Variants in VSNL1 observed in about 807,000 individuals in gnomAD.
VSNL1 encodes the protein visinin like 1.
A neutral mutation model predicts 20.4 loss-of-function variants in VSNL1; 6 were observed. The ratio of observed to expected loss-of-function variants is 0.29; its 90% CI spans 0.16 to 0.58. The LOEUF is 0.58. Among genes scored for constraint, VSNL1 ranks in the 20% least tolerant of loss-of-function variants. The pLI is 0.90. For synonymous variants in VSNL1, 93 were observed against 86.4 expected, an observed-to-expected ratio of 1.08 and a Z score of -0.42; for missense variants, 100 against 234.5, an observed-to-expected ratio of 0.43 and a Z score of 3.75.
At chr2:17,581,474 C>T (rs914402923) in intron 1 of VSNL1, among the ~76,000 whole-genome samples, 1 of 152,118 alleles carries the variant, frequency 6.6e-6, no homozygotes, top group African/African-American at 2.4e-5. Context: ...TTTATTTAGC[C>T]AGTTTCCTGT....
intron 2 of VSNL1, among the ~76,000 whole-genome samples, chr2:17,592,849 A>G (rs1664626997): frequency 6.6e-6 from 1 of 151,910 alleles, no homozygotes; most frequent in Admixed American, 6.6e-5. Context: ...AACATTACAC[A>G]GAACAGTCCC....
At chr2:17,642,228 C>T (rs527724298) in intron 2 of VSNL1, among the ~76,000 whole-genome samples, 5 of 151,210 alleles carry the variant, frequency 3.3e-5, no homozygotes, top group Admixed American at 3.3e-4. Context: ...TATTCGAGAG[C>T]AGTAAGGATA....
chr2:17,655,424 A>G lies in VSNL1; in HGVS notation c.*30A>G. ...ATGTCAATGCTATGGACTGCACAAA[A>G]GTCTCAATGTTCCATTCAGTCTGCA... On this transcript the variant is annotated 3_prime_UTR_variant, in exon 4 of 4. Transcript: ENST00000295156. The surrounding 1 kb of genome is among the most constrained non-coding windows in gnomAD (Gnocchi z 5.2). The G allele has an allele frequency of 6.3e-7, 1 of 1,575,876 alleles. No homozygotes were observed. The highest frequency in any genetic ancestry group is 8.6e-7 in the Non-Finnish European group (1 of 1,157,414).
At chr2:17,575,175 T>G (rs1664178030) in intron 1 of VSNL1, among the ~76,000 whole-genome samples, 1 of 152,162 alleles carries the variant, frequency 6.6e-6, no homozygotes, top group African/African-American at 2.4e-5. Context: ...CTCTTCCTTC[T>G]GGATTGCAGG....
At chr2:17,575,399 G>A (rs1178395860) in intron 1 of VSNL1, among the ~76,000 whole-genome samples, 1 of 152,128 alleles carries the variant, frequency 6.6e-6, no homozygotes, top group Non-Finnish European at 1.5e-5. Flanking sequence ...CACAATAGTG[G>A]GAGTTAGGAA....
chr2:17,605,363 C>T (rs1471935806), intron 2 of VSNL1, among the ~76,000 whole-genome samples: 1 of 152,080 alleles, frequency 6.6e-6, no homozygotes, highest in African/African-American at 2.4e-5. Flanking sequence ...TTCCCCAGAA[C>T]CCCTACAAGG....
intron 1 of VSNL1, among the ~76,000 whole-genome samples, chr2:17,586,669 A>G (rs1021540012): frequency 6.6e-6 from 1 of 152,138 alleles, no homozygotes. Context: ...GATTCTTACA[A>G]ACATCTGCCA....
In VSNL1 at chr2:17,656,943, C is replaced by T. The variant is rs1666245139; in HGVS notation, c.*1549C>T. On this transcript the variant is annotated 3_prime_UTR_variant, in exon 4 of 4. Coordinates refer to ENST00000295156, the MANE Select transcript of VSNL1 (RefSeq NM_003385.5). ...TTATTCAAGTACTTTTTATCAAATT[C>T]GTTTTTTACCGAATTCGTTTTTTAC... 1.3e-5 allele frequency: 2 copies of T among 152,082 alleles called. No homozygotes were observed. Among genetic ancestry groups the T allele is most frequent in the African/African-American group, 4.8e-5 (2 of 41,394 alleles). The allele number at this position is 152,082 out of a possible 1,614,324, so 9.4% of individuals were successfully genotyped here.
At chr2:17,644,318 G>A (rs1665948165) in intron 2 of VSNL1, among the ~76,000 whole-genome samples, 1 of 152,200 alleles carries the variant, frequency 6.6e-6, no homozygotes, top group Non-Finnish European at 1.5e-5. Flanking sequence ...CCACGTGAAG[G>A]CCTCAGCCCC....
Position 17,590,730 on chromosome 2 carries a change from A to C in VSNL1, c.-5-1340A>C, listed in dbSNP as rs116099676. Among the ~76,000 whole-genome samples, 249 of 152,274 alleles carry C rather than the reference A, an allele frequency of 1.6e-3. 2 individuals carry two copies. Among genetic ancestry groups the C allele is most frequent in the Admixed American group, 5.4e-3 (83 of 15,294 alleles). On this transcript the variant is annotated intron_variant, in intron 1 of 3. Transcript: ENST00000295156. ...TTAGGAGAAGTTAAAAAATCATGAC[A>C]ATAAAGTATGTGATGAGATTACCCC...
intron 1 of VSNL1, among the ~76,000 whole-genome samples, chr2:17,574,793 G>T (rs1265884168): frequency 6.6e-6 from 1 of 152,080 alleles, no homozygotes; most frequent in Non-Finnish European, 1.5e-5. Context: ...TTGAGATAGG[G>T]TCTCACTCTG....
intron 2 of VSNL1, among the ~76,000 whole-genome samples, chr2:17,628,396 A>G (rs527513466): frequency 6.6e-6 from 1 of 151,904 alleles, no homozygotes; most frequent in African/African-American, 2.4e-5. Flanking sequence ...TCAGGACCTA[A>G]TTTTGAAGGT....
intron 1 of VSNL1, among the ~76,000 whole-genome samples, chr2:17,566,353 A>G (rs576838486): frequency 3.7e-4 from 57 of 152,318 alleles, no homozygotes; most frequent in Non-Finnish European, 6.9e-4. Context: ...ATACCAATTT[A>G]TATTCCCACC....
intron 2 of VSNL1, among the ~76,000 whole-genome samples, chr2:17,608,224 T>C (rs572091240): frequency 1.3e-5 from 2 of 152,344 alleles, no homozygotes; most frequent in Admixed American, 6.5e-5. Flanking sequence ...AAAGACAAAG[T>C]TGGTCTCTGA....
At chr2:17,611,988 AG>A in intron 2 of VSNL1, among the ~76,000 whole-genome samples, 1 of 152,346 alleles carries the variant, frequency 6.6e-6, no homozygotes, top group South Asian at 2.1e-4. Context: ...ATACACACAG[AG>A]GTGGGCAATG....
chr2:17,596,315 C>T (rs750477140), intron 2 of VSNL1, among the ~76,000 whole-genome samples: 5 of 152,182 alleles, frequency 3.3e-5, no homozygotes, highest in Non-Finnish European at 2.9e-5. Context: ...GGGAAGAAAG[C>T]GTTTGAATTT....
At chr2:17,607,331 G>T (rs561660369) in intron 2 of VSNL1, among the ~76,000 whole-genome samples, 1 of 152,282 alleles carries the variant, frequency 6.6e-6, no homozygotes, top group African/African-American at 2.4e-5. Context: ...TTTGTGAGGC[G>T]AAATGAAACA....
At chr2:17,582,729 G>C (rs1664379530) in intron 1 of VSNL1, among the ~76,000 whole-genome samples, 1 of 152,018 alleles carries the variant, frequency 6.6e-6, no homozygotes, top group South Asian at 2.1e-4. Flanking sequence ...ATTCATGTTT[G>C]CATAGTATGT....
chr2:17,577,938 T>C (rs973006425), intron 1 of VSNL1, among the ~76,000 whole-genome samples: 1 of 152,218 alleles, frequency 6.6e-6, no homozygotes, highest in Non-Finnish European at 1.5e-5. Flanking sequence ...TGTAACCTTC[T>C]CGGTAAGCCT....
Sources: gnomAD v4.1 joint callset for allele counts (sites outside exome capture counted in the v4.1 genomes callset) on GRCh38, gnomAD v4.1.1 for gene constraint, Gnocchi (gnomAD v3.1) non-coding constraint, MANE v1.5 for transcripts, NCBI Gene and HGNC (gene_info 2026-07-23, HGNC 2026-07-21) for gene names.